The following CCBE1 variants were observed in gnomAD, a reference collection of about 807,000 sequenced individuals.
The protein encoded by CCBE1 is collagen and calcium binding EGF domains 1, also known as collagen and calcium-binding EGF domain-containing protein 1.
CCBE1 carries 37 observed loss-of-function variants against 50.0 expected under a neutral mutation model. That is an observed-to-expected ratio of 0.74 (90% CI 0.57 to 0.97). CCBE1 has a LOEUF of 0.97. Ranked by LOEUF, CCBE1 falls within the 50% of genes least tolerant of loss-of-function variation. The pLI is 0.00. For missense variants in CCBE1, 538 were observed against 523.8 expected, an observed-to-expected ratio of 1.03 and a Z score of -0.26; for synonymous variants, 234 against 203.7, an observed-to-expected ratio of 1.15 and a Z score of -1.27.
chr18:59,577,871 T>A (rs2053022570), intron 2 of CCBE1, among the ~76,000 whole-genome samples: 1 of 152,170 alleles, frequency 6.6e-6, no homozygotes. Context: ...GAAGAAAATC[T>A]AGGCAATACC....
chr18:59,643,934 C>T (rs751835157), intron 2 of CCBE1, among the ~76,000 whole-genome samples: 5 of 152,198 alleles, frequency 3.3e-5, no homozygotes, highest in African/African-American at 4.8e-5. Context: ...ATACAAGCAG[C>T]CTTTCCCTAA....
intron 2 of CCBE1, among the ~76,000 whole-genome samples, chr18:59,582,722 CTTT>C (rs1436990893): frequency 6.6e-6 from 1 of 152,128 alleles, no homozygotes; most frequent in African/African-American, 2.4e-5. Context: ...CTCCCAAACT[CTTT>C]TTTTAACTAG....
intron 6 of CCBE1, among the ~76,000 whole-genome samples, chr18:59,450,496 T>C (rs1271508432): frequency 6.6e-6 from 1 of 152,146 alleles, no homozygotes; most frequent in Admixed American, 6.5e-5. Context: ...CCAGAATCTG[T>C]GCTCCTAACC....
At chr18:59,440,413 G>A (rs1910368053) in intron 7 of CCBE1, among the ~76,000 whole-genome samples, 1 of 152,184 alleles carries the variant, frequency 6.6e-6, no homozygotes, top group African/African-American at 2.4e-5. Context: ...CACATAGTAA[G>A]TACTAAAACA....
chr18:59,527,583 G>A (rs1248836104), intron 2 of CCBE1, among the ~76,000 whole-genome samples: 1 of 152,164 alleles, frequency 6.6e-6, no homozygotes, highest in East Asian at 1.9e-4. Flanking sequence ...GCTTCACAGT[G>A]TCATTGGTCT....
At chr18:59,689,298 T>C (rs929600658) in intron 2 of CCBE1, among the ~76,000 whole-genome samples, 7 of 152,130 alleles carry the variant, frequency 4.6e-5, no homozygotes, top group Non-Finnish European at 8.8e-5. Context: ...ATGAGGCAAA[T>C]AGAATGTCCC....
chr18:59,534,722 A>T (rs1393072259), intron 2 of CCBE1, among the ~76,000 whole-genome samples: 1 of 152,158 alleles, frequency 6.6e-6, no homozygotes, highest in Non-Finnish European at 1.5e-5. Flanking sequence ...CACTGTAGAG[A>T]ATGAGGCTCC....
chr18:59,454,149 A>C (rs1911068471), intron 6 of CCBE1, among the ~76,000 whole-genome samples: 1 of 152,216 alleles, frequency 6.6e-6, no homozygotes, highest in African/African-American at 2.4e-5. Context: ...CTCTATAAAT[A>C]ATGTACAGAT....
At chr18:59,502,142 T>C (rs1048139478) in intron 2 of CCBE1, among the ~76,000 whole-genome samples, 10 of 152,180 alleles carry the variant, frequency 6.6e-5, no homozygotes, top group East Asian at 1.9e-4. Flanking sequence ...ATTGAGAGCA[T>C]TGGCTGTGTC....
chr18:59,526,464 T>G (rs2144340495), intron 2 of CCBE1, among the ~76,000 whole-genome samples: 1 of 151,980 alleles, frequency 6.6e-6, no homozygotes, highest in African/African-American at 2.4e-5. Context: ...CACCCACCAC[T>G]ATGCCTAGCT....
In CCBE1 at chr18:59,682,926, C is replaced by T. The variant is rs574566710; in HGVS notation, c.212+13703G>A. Among the ~76,000 whole-genome samples the T allele has an allele frequency of 5.5e-4, 83 of 152,122 alleles. 1 individual carries two copies. The South Asian group carries it at 0.014, about 26-fold the overall frequency. ...CAAAACAGAGTTCTTTCTTCTTGTG[C>T]CCCCCCTTCCCTGTAGGAACTACAG... On this transcript the variant is annotated intron_variant, in intron 2 of 10. Coordinates refer to ENST00000439986, the MANE Select transcript of CCBE1 (RefSeq NM_133459.4).
chr18:59,606,000 A>C (rs2053492975), intron 2 of CCBE1, among the ~76,000 whole-genome samples: 1 of 152,198 alleles, frequency 6.6e-6, no homozygotes, highest in African/African-American at 2.4e-5. Flanking sequence ...TTCTGCCTGA[A>C]GCACGTCACT....
intron 2 of CCBE1, among the ~76,000 whole-genome samples, chr18:59,584,234 G>C (rs1027445812): frequency 1.3e-5 from 2 of 151,418 alleles, no homozygotes; most frequent in African/African-American, 4.9e-5. Flanking sequence ...ATCATTCTCA[G>C]TAAACTATCG....
chr18:59,451,433 TAAAA>T (rs34421089), intron 6 of CCBE1, among the ~76,000 whole-genome samples: 2 of 99,368 alleles, frequency 2.0e-5, no homozygotes, highest in South Asian at 3.8e-4. Flanking sequence ...ACAAGCAACT[TAAAA>T]AAAAAAAAAA....
chr18:59,444,060 G>A (rs1046026565), intron 7 of CCBE1, among the ~76,000 whole-genome samples: 1 of 151,982 alleles, frequency 6.6e-6, no homozygotes, highest in African/African-American at 2.4e-5. Context: ...ATTGTTCCGT[G>A]TCAAAATTTC....
intron 2 of CCBE1, among the ~76,000 whole-genome samples, chr18:59,675,052 A>C (rs2054481270): frequency 6.6e-6 from 1 of 152,194 alleles, no homozygotes; most frequent in African/African-American, 2.4e-5. Flanking sequence ...ATGGCTTTTC[A>C]TAAGGCACAA....
At chr18:59,688,320 C>T (rs934571108) in intron 2 of CCBE1, 1 of 152,178 alleles carries the variant, frequency 6.6e-6, no homozygotes, top group Admixed American at 6.5e-5. Flanking sequence ...GTGGTGGGCT[C>T]ATGTAGTCCC....
At chr18:59,593,036 G>A (rs2053296970) in intron 2 of CCBE1, among the ~76,000 whole-genome samples, 1 of 152,220 alleles carries the variant, frequency 6.6e-6, no homozygotes, top group Admixed American at 6.5e-5. Flanking sequence ...ATGCAAGGAA[G>A]TGTTAGGATA....
chr18:59,481,416 C>T lies in CCBE1; in HGVS notation c.213-1178G>A, dbSNP rs532452981. Reference sequence around the variant, plus strand: ...GAGCAGAAAAATATATTTGAAAAAACAGTGGCTGAAAACCTCCAAAATTGA... The same window carrying T: ...GAGCAGAAAAATATATTTGAAAAAATAGTGGCTGAAAACCTCCAAAATTGA... On this transcript the variant is annotated intron_variant, in intron 2 of 10. Transcript: ENST00000439986. Among the ~76,000 whole-genome samples the T allele has an allele frequency of 8.5e-5, 13 of 152,194 alleles. No homozygotes were observed. In the South Asian group the frequency reaches 1.7e-3, roughly 19 times the overall value.
Sources: gnomAD v4.1 joint callset for allele counts (sites outside exome capture counted in the v4.1 genomes callset) on GRCh38, gnomAD v4.1.1 for gene constraint, MANE v1.5 for transcripts, NCBI Gene and HGNC (gene_info 2026-07-23, HGNC 2026-07-21) for gene names.